The following GRID2 variants were observed in gnomAD, a reference collection of about 807,000 sequenced individuals.
GRID2 encodes the protein glutamate ionotropic receptor delta type subunit 2.
A neutral mutation model predicts 114.8 loss-of-function variants in GRID2; 33 were observed. The ratio of observed to expected loss-of-function variants is 0.29; its 90% CI spans 0.22 to 0.38. GRID2 has a LOEUF of 0.38. Among genes scored for constraint, GRID2 ranks in the 10% least tolerant of loss-of-function variants. GRID2 has a pLI of 1.00. For missense variants in GRID2, 1,184 were observed against 1,257.7 expected (o/e 0.94, Z 0.89); for synonymous variants, 505 against 449.9 (o/e 1.12, Z -1.55).
intron 2 of GRID2, among the ~76,000 whole-genome samples, chr4:92,674,428 C>A (rs1258868258): frequency 6.6e-6 from 1 of 152,074 alleles, no homozygotes; most frequent in Admixed American, 6.6e-5. Flanking sequence ...CTATAGCTTT[C>A]TTAATTTCAG....
intron 4 of GRID2, among the ~76,000 whole-genome samples, chr4:93,152,643 A>G (rs190094214): frequency 2.6e-5 from 4 of 152,212 alleles, no homozygotes; most frequent in Admixed American, 6.6e-5. Context: ...TTTGATACCA[A>G]CCCTTCATTG....
intron 2 of GRID2, among the ~76,000 whole-genome samples, chr4:92,957,644 G>T: frequency 6.6e-6 from 1 of 150,672 alleles, no homozygotes; most frequent in East Asian, 2.0e-4. Context: ...TGAATATTTT[G>T]CCACTTCATA....
intron 2 of GRID2, among the ~76,000 whole-genome samples, chr4:92,987,844 C>T (rs909615998): frequency 5.9e-5 from 9 of 151,676 alleles, no homozygotes; most frequent in Non-Finnish European, 1.3e-4. Flanking sequence ...TATATGGTAC[C>T]GAGAATGGGA....
intron 13 of GRID2, among the ~76,000 whole-genome samples, chr4:93,591,278 T>G (rs1738265523): frequency 3.3e-5 from 5 of 151,894 alleles, no homozygotes; most frequent in Admixed American, 3.3e-4. Context: ...GTTGTTGAAT[T>G]TTGTCAAAGG....
intron 2 of GRID2, among the ~76,000 whole-genome samples, chr4:93,042,272 TC>T (rs1560821253): frequency 0.016 from 1,255 of 78,350 alleles, 12 homozygotes; most frequent in African/African-American, 0.043. Context: ...TCTCTCTCTC[TC>T]TTTCTCTCTC....
chr4:93,302,638 T>G (rs542130448), intron 8 of GRID2: 93 of 455,016 alleles, frequency 2.0e-4, no homozygotes, highest in South Asian at 1.4e-3. Flanking sequence ...TTCTGTACAC[T>G]TGCAAAGGTA....
chr4:93,398,165 G>T (rs1560579303), intron 9 of GRID2, among the ~76,000 whole-genome samples: 2 of 122,080 alleles, frequency 1.6e-5, no homozygotes, highest in African/African-American at 4.4e-5. Context: ...TATCATTAAG[G>T]GAAGGGGTTA....
intron 2 of GRID2, among the ~76,000 whole-genome samples, chr4:92,626,702 T>A (rs947393560): frequency 2.6e-5 from 4 of 152,084 alleles, no homozygotes; most frequent in Non-Finnish European, 5.9e-5. Flanking sequence ...TCCTTGAGTG[T>A]TATATCTTCA....
intron 2 of GRID2, among the ~76,000 whole-genome samples, chr4:92,910,280 C>G (rs576213921): frequency 1.3e-5 from 2 of 152,096 alleles, no homozygotes; most frequent in African/African-American, 4.8e-5. Context: ...CAATTACAGA[C>G]TGCTGCACCA....
At chr4:93,680,500 C>CT (rs1430572091) in intron 14 of GRID2, among the ~76,000 whole-genome samples, 1 of 151,288 alleles carries the variant, frequency 6.6e-6, no homozygotes. Flanking sequence ...GACCAATATC[C>CT]TTGATGAACA....
chr4:93,185,967 A>G (rs1167298193), intron 4 of GRID2, among the ~76,000 whole-genome samples: 2 of 152,092 alleles, frequency 1.3e-5, no homozygotes, highest in African/African-American at 4.8e-5. Flanking sequence ...TCATTGTTGA[A>G]TTCCCACCTA....
chr4:92,322,458 G>A (rs1489190202), intron 1 of GRID2, among the ~76,000 whole-genome samples: 2 of 151,938 alleles, frequency 1.3e-5, no homozygotes, highest in East Asian at 3.9e-4. Flanking sequence ...AAATGCTTGA[G>A]GTGATAGATA....
intron 15 of GRID2, among the ~76,000 whole-genome samples, chr4:93,771,099 A>G (rs999278567): frequency 5.3e-5 from 8 of 152,178 alleles, no homozygotes; most frequent in Admixed American, 1.3e-4. Flanking sequence ...TGATTAATAG[A>G]TATCTTAAAT....
Position 92,487,225 on chromosome 4 carries a change from T to A in GRID2, c.89-102906T>A, listed in dbSNP as rs962372108. ...ACAGAAAGTTTAATTCAAGACTAAT[T>A]TTTTAGACCTAAATTTATTTTTCCA... On this transcript the variant is annotated intron_variant, in intron 1 of 15. Coordinates refer to ENST00000282020, the MANE Select transcript of GRID2 (RefSeq NM_001510.4). 2.6e-5 allele frequency among the ~76,000 whole-genome samples: 4 copies of A among 152,018 alleles called. No homozygotes were observed. The East Asian group carries it at 7.7e-4, about 29-fold the overall frequency.
chr4:93,003,959 C>A (rs1439736419), intron 2 of GRID2, among the ~76,000 whole-genome samples: 1 of 151,796 alleles, frequency 6.6e-6, no homozygotes, highest in East Asian at 1.9e-4. Context: ...AAATGTAAGG[C>A]TTGTGTGTGG....
intron 13 of GRID2, among the ~76,000 whole-genome samples, chr4:93,613,666 C>G (rs1248898589): frequency 1.7e-4 from 24 of 137,416 alleles, no homozygotes; most frequent in South Asian, 7.5e-4. Flanking sequence ...GCAGTCTGCC[C>G]GTTCTCAGAT....
intron 2 of GRID2, among the ~76,000 whole-genome samples, chr4:92,593,920 A>G (rs960021384): frequency 3.3e-5 from 5 of 149,912 alleles, no homozygotes; most frequent in Non-Finnish European, 7.4e-5. Flanking sequence ...AAAAAGATAA[A>G]TACAAAAAGA....
At chr4:92,463,536 T>G (rs191537380) in intron 1 of GRID2, among the ~76,000 whole-genome samples, 1 of 152,120 alleles carries the variant, frequency 6.6e-6, no homozygotes, top group Non-Finnish European at 1.5e-5. Flanking sequence ...GCCTCAATTC[T>G]TATGTCAGTG....
chr4:92,767,450 A>G (rs1738320069), intron 2 of GRID2, among the ~76,000 whole-genome samples: 1 of 152,286 alleles, frequency 6.6e-6, no homozygotes, highest in Non-Finnish European at 1.5e-5. Context: ...ATCCATAAAC[A>G]TGATGTATAA....
Sources: gnomAD v4.1 joint callset for allele counts (sites outside exome capture counted in the v4.1 genomes callset) on GRCh38, gnomAD v4.1.1 for gene constraint, MANE v1.5 for transcripts, NCBI Gene and HGNC (gene_info 2026-07-23, HGNC 2026-07-21) for gene names.